The following KIR2DL1 variants were observed in gnomAD, a reference collection of about 807,000 sequenced individuals.
KIR2DL1 encodes the protein killer cell immunoglobulin-like receptor 2DL1.
Under a neutral mutation model 33.9 loss-of-function variants are expected in KIR2DL1, and 38 were observed. That is an observed-to-expected ratio of 1.12 (90% CI 0.86 to 1.47). The LOEUF is 1.47. Ranked by LOEUF, KIR2DL1 falls within the 40% of genes most tolerant of loss-of-function variation. The pLI is 0.00. For missense variants in KIR2DL1, 531 were observed against 433.9 expected, an observed-to-expected ratio of 1.22 and a Z score of -1.99; for synonymous variants, 179 against 165.9, an observed-to-expected ratio of 1.08 and a Z score of -0.61.
intron 4 of KIR2DL1, among the ~76,000 whole-genome samples, chr19:54,778,120 G>A (rs780389695): frequency 6.1e-5 from 9 of 147,596 alleles, no homozygotes; most frequent in Non-Finnish European, 1.1e-4. Context: ...AATTAGCTGA[G>A]CATGGTGGTC....
Position 54,774,082 on chromosome 19 carries a change from A to C in KIR2DL1, c.370+450A>C, listed in dbSNP as rs988204968. The stretch of plus-strand genomic sequence containing the variant: ...ACCTACAGATGCCATGTTTATTCTG[A>C]CACCTCTGCCTTCCATGTAATGGAG... On this transcript the variant is annotated intron_variant, in intron 3 of 7. Coordinates refer to ENST00000336077, the MANE Select transcript of KIR2DL1 (RefSeq NM_014218.3). Among the ~76,000 whole-genome samples, 32 of 148,858 alleles carry C rather than the reference A, an allele frequency of 2.1e-4. 3 individuals carry two copies. The highest frequency in any genetic ancestry group is 7.8e-4 in the African/African-American group (32 of 40,868).
intron 6 of KIR2DL1, among the ~76,000 whole-genome samples, chr19:54,783,274 C>G (rs2077251596): frequency 6.6e-6 from 1 of 151,800 alleles, no homozygotes; most frequent in South Asian, 2.1e-4. Flanking sequence ...CCATGACAGG[C>G]AGAAAGTGGG....
rs779325970 is a variant in KIR2DL1 at position 54,773,453 on chromosome 19, G to A, written c.191G>A (p.Gly64Glu). 7 of 1,588,284 alleles carry A rather than the reference G, an allele frequency of 4.4e-6. No individual in the cohort carries two copies. The South Asian group carries it at 5.5e-5, about 13-fold the overall frequency. ...MFEHFLLHRE[G>E]MFNDTLRLIG... Reference sequence around the variant, plus strand: ...GAACACTTCCTTCTGCACAGAGAGGGGATGTTTAACGACACTTTGCGCCTC... The same window carrying A: ...GAACACTTCCTTCTGCACAGAGAGGAGATGTTTAACGACACTTTGCGCCTC... Residue 64 changes from glycine to glutamate, a missense_variant, in exon 3 of 8, where the codon GGG becomes GAG. Physicochemically the swap from Gly to Glu is moderately conservative, Grantham distance 98. Transcript: ENST00000336077.
At chr19:54,778,930 T>C (rs1304503167) in intron 5 of KIR2DL1, among the ~76,000 whole-genome samples, 1 of 147,436 alleles carries the variant, frequency 6.8e-6, no homozygotes, top group Non-Finnish European at 1.5e-5. Flanking sequence ...AAAAATGCAA[T>C]GTTTGTTCTA....
At chr19:54,774,344 G>A (rs1218257989) in intron 3 of KIR2DL1, among the ~76,000 whole-genome samples, 4 of 101,386 alleles carry the variant, frequency 3.9e-5, no homozygotes. Context: ...AGAGAAAAGA[G>A]GGCAGAGGAG....
In KIR2DL1 at chr19:54,783,713, C is replaced by G; in HGVS notation, c.947C>G (p.Thr316Ser). Reference protein sequence around the residue: ...NHCVFTQRKITRPSQRPKTPP... With the variant: ...NHCVFTQRKISRPSQRPKTPP... ...TGCGTTTTCACACAGAGAAAAATCA[C>G]TCGCCCTTCTCAGAGGCCCAAGACA... The change falls in exon 8 of 8, where the codon ACT becomes AGT. Residue 316 changes from threonine to serine, a missense_variant. By Grantham distance (58) the Thr-to-Ser change is moderately conservative. Transcript: ENST00000336077. The G allele has an allele frequency of 6.2e-7, 1 of 1,614,040 alleles. No homozygotes were observed. The highest frequency in any genetic ancestry group is 8.5e-7 in the Non-Finnish European group (1 of 1,179,972).
chr19:54,774,409 G>T (rs1254015575), intron 3 of KIR2DL1, among the ~76,000 whole-genome samples: 4 of 148,304 alleles, frequency 2.7e-5, no homozygotes, highest in Admixed American at 1.4e-4. Context: ...ACTCCTGAGG[G>T]AGAGGCACAA....
rs2075722160 is a variant in KIR2DL1 at position 54,771,488 on chromosome 19, C to A, written c.70+604C>A. ...TTTGCGGGATGGGTCCTTCCTTTAG[C>A]CCTGGGCACCAAGGTGTGATAGCAG... On this transcript the variant is annotated intron_variant, in intron 2 of 7. Coordinates refer to ENST00000336077, the MANE Select transcript of KIR2DL1 (RefSeq NM_014218.3). Among the ~76,000 whole-genome samples, 3 of 147,488 alleles carry A rather than the reference C, an allele frequency of 2.0e-5. No individual in the cohort carries two copies. The South Asian group carries it at 6.4e-4, about 31-fold the overall frequency.
chr19:54,776,517 G>A lies in KIR2DL1; in HGVS notation c.664+1059G>A, dbSNP rs746032315. 3.4e-5 allele frequency among the ~76,000 whole-genome samples: 5 copies of A among 147,112 alleles called. 1 individual carries two copies. Among genetic ancestry groups the A allele is most frequent in the Non-Finnish European group, 7.6e-5 (5 of 65,920 alleles). On this transcript the variant is annotated intron_variant, in intron 4 of 7. Transcript: ENST00000336077. ...GCAGGTAGGTTGACTCCTCATCTTG[G>A]CTACTGTGAACAGTGCTGCACCAAT...
chr19:54,772,052 A>ACACTGTG (rs2075795069), intron 2 of KIR2DL1, among the ~76,000 whole-genome samples: 1 of 147,066 alleles, frequency 6.8e-6, no homozygotes, highest in Admixed American at 6.9e-5. Context: ...GGGAAGAATA[A>ACACTGTG]TTGTCCCCAG....
rs1339295991 is a variant in KIR2DL1 at position 54,769,830 on chromosome 19, C to T, written c.-21C>T. On this transcript the variant is annotated 5_prime_UTR_variant, in exon 1 of 8. Transcript: ENST00000336077. ...GCTGAGCTGAGCTCGGTCGCGGCTGCCTGTCTGCTCCGGCAGCACCATGTC... is the reference window on the plus strand; with the variant it reads ...GCTGAGCTGAGCTCGGTCGCGGCTGTCTGTCTGCTCCGGCAGCACCATGTC... 1.3e-6 allele frequency: 2 copies of T among 1,567,328 alleles called. No homozygotes were observed. The highest frequency in any genetic ancestry group is 8.7e-7 in the Non-Finnish European group (1 of 1,145,906).
Position 54,781,007 on chromosome 19 carries a change from C to A in KIR2DL1, c.716-1915C>A, listed in dbSNP as rs1459190034. 3.1e-3 allele frequency among the ~76,000 whole-genome samples: 280 copies of A among 90,174 alleles called. 4 individuals are homozygous for A. The highest frequency in any genetic ancestry group is 0.012 in the African/African-American group (260 of 22,428). 59.2% of individuals were successfully genotyped at this position (90,174 alleles called of 152,430 possible). A position where few individuals can be genotyped will look rare whatever the true frequency, so the allele number is the denominator to read the frequency against. On this transcript the variant is annotated intron_variant, in intron 5 of 7. Coordinates refer to ENST00000336077, the MANE Select transcript of KIR2DL1 (RefSeq NM_014218.3). ...TGGCCAACGTGGTGAAACCCTATCTCTACTAAAAATACAAAAATTAGCCGA... is the reference window on the plus strand; with the variant it reads ...TGGCCAACGTGGTGAAACCCTATCTATACTAAAAATACAAAAATTAGCCGA...
Position 54,775,204 on chromosome 19 carries a change from C to G in KIR2DL1, c.410C>G (p.Pro137Arg). The change falls in exon 4 of 8, where the codon CCC (proline) becomes CGC (arginine). Residue 137 changes from proline to arginine, a missense_variant. Coordinates refer to ENST00000336077, the MANE Select transcript of KIR2DL1 (RefSeq NM_014218.3). The stretch of plus-strand genomic sequence containing the variant: ...CCTTCTCTCTCAGCCCAGCTGGGCC[C>G]CACGGTTCTGGCAGGAGAGAATGTG... ...EKPSLSAQLG[P>R]TVLAGENVTL... 4 of 1,597,172 alleles carry G rather than the reference C, an allele frequency of 2.5e-6. No individual in the cohort carries two copies. Among genetic ancestry groups the G allele is most frequent in the East Asian group, 2.2e-5 (1 of 44,820 alleles).
At chr19:54,782,591 C>T (rs2077119655) in intron 5 of KIR2DL1, among the ~76,000 whole-genome samples, 1 of 152,040 alleles carries the variant, frequency 6.6e-6, no homozygotes, top group Non-Finnish European at 1.5e-5. Flanking sequence ...ACCCCGTCTC[C>T]TTGGGACAGC....
At position 54,781,420 on chromosome 19, in the gene KIR2DL1, G is replaced by A. The variant is rs1556290630; in HGVS notation, c.716-1502G>A. Among the ~76,000 whole-genome samples the A allele has an allele frequency of 2.2e-5, 3 of 135,490 alleles. No homozygotes were observed. In the Admixed American group the frequency reaches 2.3e-4, roughly 10 times the overall value. 88.9% of individuals were successfully genotyped at this position (135,490 alleles called of 152,430 possible). A position where few individuals can be genotyped will look rare whatever the true frequency, so the allele number is the denominator to read the frequency against. On this transcript the variant is annotated intron_variant, in intron 5 of 7. Transcript: ENST00000336077. ...ATCCTGGAATAGAGAAAGTGCTCTG[G>A]TCATCACAAAAAAAACTTGCCCACT...
chr19:54,781,971 T>C (rs1600863728), intron 5 of KIR2DL1, among the ~76,000 whole-genome samples: 1 of 152,114 alleles, frequency 6.6e-6, no homozygotes, highest in South Asian at 2.1e-4. Flanking sequence ...TCACCGTCAC[T>C]CCAGGGAGAC....
intron 5 of KIR2DL1, among the ~76,000 whole-genome samples, chr19:54,782,335 C>A (rs1321174640): frequency 6.6e-6 from 1 of 152,018 alleles, no homozygotes; most frequent in African/African-American, 2.4e-5. Flanking sequence ...TCGGTAACTT[C>A]TAAAGAAAAG....
chr19:54,783,541 A>G lies in KIR2DL1; in HGVS notation c.870+3A>G. ...GAAACAGAACAGCGAATAGCGAGGT[A>G]GGTACTCCTCGGCCCGGGCTCGTGG... On this transcript the variant is annotated splice_donor_region_variant and intron_variant, in intron 7 of 7. Transcript: ENST00000336077. The G allele has an allele frequency of 6.2e-7, 1 of 1,613,846 alleles. No homozygotes were observed. Among genetic ancestry groups the G allele is most frequent in the South Asian group, 1.1e-5 (1 of 91,072 alleles).
At chr19:54,776,729 C>A (rs1333381487) in intron 4 of KIR2DL1, among the ~76,000 whole-genome samples, 1 of 145,530 alleles carries the variant, frequency 6.9e-6, no homozygotes, top group African/African-American at 2.5e-5. Flanking sequence ...CAACCTCCGC[C>A]TCCTGGGTTC....
Sources: allele counts gnomAD v4.1 joint callset (sites outside exome capture counted in the v4.1 genomes callset), GRCh38; gene constraint gnomAD v4.1.1; transcripts MANE v1.5; gene names NCBI Gene and HGNC (gene_info 2026-07-23, HGNC 2026-07-21).